The following STARD13 variants were observed in gnomAD, a reference collection of about 807,000 sequenced individuals.
STARD13 encodes the protein stAR-related lipid transfer protein 13.
Under a neutral mutation model 106.4 loss-of-function variants are expected in STARD13, and 62 were observed. That is an observed-to-expected ratio of 0.58 (90% CI 0.48 to 0.72). STARD13 has a LOEUF of 0.72. STARD13 is among the 30% of genes least tolerant of loss of function. STARD13 has a pLI of 0.00. For missense variants in STARD13, 1,387 were observed against 1,424.0 expected (o/e 0.97, Z 0.42); for synonymous variants, 565 against 553.0 (o/e 1.02, Z -0.31).
At chr13:33,185,146 G>T (rs988205278) in intron 1 of STARD13, among the ~76,000 whole-genome samples, 1 of 152,080 alleles carries the variant, frequency 6.6e-6, no homozygotes, top group Non-Finnish European at 1.5e-5. Context: ...AAAATGTGGG[G>T]TTCAGGTAAA....
chr13:33,403,355 A>C, the STARD13 span, among the ~76,000 whole-genome samples: 1 of 152,236 alleles, frequency 6.6e-6, no homozygotes, highest in Non-Finnish European at 1.5e-5. Context: ...TTGTGTTTAC[A>C]CTTAGGAACG....
the STARD13 span, among the ~76,000 whole-genome samples, chr13:33,469,883 T>TTTTG: frequency 4.6e-5 from 7 of 151,970 alleles, no homozygotes; most frequent in African/African-American, 7.3e-5. Context: ...TGTACAGCTT[T>TTTTG]TTTGTTTGTT....
At chr13:33,408,795 C>T in the STARD13 span, among the ~76,000 whole-genome samples, 1 of 152,084 alleles carries the variant, frequency 6.6e-6, no homozygotes, top group South Asian at 2.1e-4. Context: ...TGTTTTTGCT[C>T]TTCATCTAAA....
rs143110376 is a variant in STARD13 at position 33,120,858 on chromosome 13, G to A, written c.2083-2595C>T. ...GCATTCAAGTGATTCTCCTGTCTCA[G>A]CCTACTAAGTAGCTGGGATTACAGG... On this transcript the variant is annotated intron_variant, in intron 7 of 13. Transcript: ENST00000336934. 2.2e-4 allele frequency among the ~76,000 whole-genome samples: 33 copies of A among 151,784 alleles called. No individual in the cohort carries two copies. The East Asian group carries it at 6.4e-3, about 30-fold the overall frequency.
chr13:33,435,731 C>T, the STARD13 span, among the ~76,000 whole-genome samples: 2 of 152,102 alleles, frequency 1.3e-5, no homozygotes, highest in African/African-American at 2.4e-5. Context: ...ATAATTTTAT[C>T]TCACTTTATC....
At position 33,111,690 on chromosome 13, in the gene STARD13, T is replaced by C. The variant is rs1593855679; in HGVS notation, c.2607+88A>G. 6.1e-6 allele frequency: 5 copies of C among 815,176 alleles called. No homozygotes were observed. The East Asian group carries it at 1.3e-4, about 21-fold the overall frequency. 50.5% of individuals were successfully genotyped at this position (815,176 alleles called of 1,614,324 possible). On this transcript the variant is annotated intron_variant, in intron 10 of 13. Transcript: ENST00000336934. ...TGTCATAAAATCAGGAACAAACAGA[T>C]AGAAACCATAAATGTAGCAACAATC...
the STARD13 span, among the ~76,000 whole-genome samples, chr13:33,592,611 G>A: frequency 6.6e-6 from 1 of 152,098 alleles, no homozygotes; most frequent in African/African-American, 2.4e-5. Flanking sequence ...GTTCCCTTTT[G>A]AGGACTTTAA....
intron 1 of STARD13, among the ~76,000 whole-genome samples, chr13:33,223,601 G>C (rs1050729645): frequency 6.6e-6 from 1 of 152,100 alleles, no homozygotes; most frequent in Non-Finnish European, 1.5e-5. Context: ...GGAGGTTGCA[G>C]TGAGCTGAGA....
chr13:33,548,222 G>T, the STARD13 span, among the ~76,000 whole-genome samples: 1 of 152,202 alleles, frequency 6.6e-6, no homozygotes, highest in Non-Finnish European at 1.5e-5. Flanking sequence ...GATAGGGGAA[G>T]TGATTTTTTT....
At chr13:33,615,632 C>G in the STARD13 span, among the ~76,000 whole-genome samples, 1 of 152,084 alleles carries the variant, frequency 6.6e-6, no homozygotes, top group Admixed American at 6.6e-5. Context: ...CATCTGGCAT[C>G]CTCTGCAGCA....
At chr13:33,615,047 G>T in the STARD13 span, among the ~76,000 whole-genome samples, 1 of 152,218 alleles carries the variant, frequency 6.6e-6, no homozygotes, top group South Asian at 2.1e-4. Context: ...AGGAGAGGGA[G>T]GATACTGACT....
chr13:33,499,604 T>TTTCTTCTTCTTCTTC, the STARD13 span, among the ~76,000 whole-genome samples: 169 of 39,854 alleles, frequency 4.2e-3, 13 homozygotes, highest in East Asian at 0.01. Context: ...CTTCTTCTTC[T>TTTCTTCTTCTTCTTC]TTCTTCTTCT....
chr13:33,382,244 A>T, the STARD13 span, among the ~76,000 whole-genome samples: 4 of 152,144 alleles, frequency 2.6e-5, no homozygotes, highest in Non-Finnish European at 5.9e-5. Context: ...TTACATTTCA[A>T]GTTAAGTCAA....
chr13:33,499,604 T>TTCTTCTTCTTCTTCTTCTTCTTC, the STARD13 span, among the ~76,000 whole-genome samples: 42 of 39,898 alleles, frequency 1.1e-3, 2 homozygotes, highest in African/African-American at 3.0e-3. Flanking sequence ...CTTCTTCTTC[T>TTCTTCTTCTTCTTCTTCTTCTTC]TTCTTCTTCT....
chr13:33,306,236 C>A (rs577431888), intron 1 of STARD13, among the ~76,000 whole-genome samples: 78 of 152,276 alleles, frequency 5.1e-4, no homozygotes, highest in Middle Eastern at 3.4e-3. Flanking sequence ...AAAGGATTCC[C>A]TACTTAATAA....
At chr13:33,159,467 C>T (rs1377750824) in intron 3 of STARD13, among the ~76,000 whole-genome samples, 3 of 152,126 alleles carry the variant, frequency 2.0e-5, no homozygotes, top group Non-Finnish European at 2.9e-5. Flanking sequence ...AAGCTTGGCC[C>T]GCTAAGCCAC....
At chr13:33,114,830 T>C (rs1875130246) in intron 8 of STARD13, among the ~76,000 whole-genome samples, 1 of 152,114 alleles carries the variant, frequency 6.6e-6, no homozygotes, top group African/African-American at 2.4e-5. Flanking sequence ...CTGTCCATTA[T>C]TATTATTATT....
the STARD13 span, among the ~76,000 whole-genome samples, chr13:33,578,123 C>T: frequency 5.3e-5 from 8 of 151,988 alleles, no homozygotes; most frequent in Non-Finnish European, 1.2e-4. Flanking sequence ...AAAATACCAA[C>T]ATCATTTTTC....
chr13:33,586,231 A>G, the STARD13 span, among the ~76,000 whole-genome samples: 9 of 152,350 alleles, frequency 5.9e-5, no homozygotes, highest in East Asian at 1.7e-3. Flanking sequence ...CTTCTGAGTT[A>G]AGAAAACACA....
Sources: allele counts gnomAD v4.1 joint callset (sites outside exome capture counted in the v4.1 genomes callset), GRCh38; gene constraint gnomAD v4.1.1; transcripts MANE v1.5; gene names NCBI Gene and HGNC (gene_info 2026-07-23, HGNC 2026-07-21).